TNRC6C: variants seen among roughly 807,000 people sequenced by gnomAD.
TNRC6C encodes trinucleotide repeat containing adaptor 6C, also known as trinucleotide repeat-containing gene 6C protein.
TNRC6C carries 20 observed loss-of-function variants against 153.7 expected under a neutral mutation model. That is an observed-to-expected ratio of 0.13 (90% confidence interval 0.09 to 0.19). The LOEUF (loss-of-function observed/expected upper bound fraction) is 0.19, where lower values mean the gene tolerates loss of function less well. TNRC6C is among the 10% of genes least tolerant of loss of function. The pLI is 1.00. For synonymous variants in TNRC6C, 811 were observed against 841.4 expected (o/e 0.96, Z 0.63); for missense variants, 1,987 against 2,172.0 (o/e 0.91, Z 1.69).
chr17:77,970,937 A>G (rs866328901), intron 1 of TNRC6C, among the ~76,000 whole-genome samples: 1 of 152,150 alleles, frequency 6.6e-6, no homozygotes, highest in Non-Finnish European at 1.5e-5. Flanking sequence ...TGAGCTGTGG[A>G]GTTCAAGGTT....
At position 78,104,364 on chromosome 17, in the gene TNRC6C, C is replaced by G. The variant is rs1459125083; in HGVS notation, c.4713-121C>G. On this transcript the variant is annotated intron_variant, in intron 19 of 19. Coordinates refer to ENST00000301624, the Ensembl canonical transcript of TNRC6C. This position sits in a 1 kb window ranked among gnomAD's most constrained non-coding sequence, Gnocchi z 6.2. The stretch of plus-strand genomic sequence containing the variant: ...AGTCTGGGTTTGGAAATAGCAGTGG[C>G]AAAACAGAAGCCACAGGATGGCTTC... The G allele has an allele frequency of 1.1e-5, 15 of 1,356,584 alleles. No individual in the cohort carries two copies. The highest frequency in any genetic ancestry group is 1.4e-5 in the Non-Finnish European group (15 of 1,042,568). The allele number at this position is 1,356,584 out of a possible 1,614,324, so 84.0% of individuals were successfully genotyped here. A position where few individuals can be genotyped will look rare whatever the true frequency, so the allele number is the denominator to read the frequency against.
At position 78,104,650 on chromosome 17, in the gene TNRC6C, A is replaced by G. The variant is rs2144682582; in HGVS notation, c.4878A>G (p.Val1626=). ...CAGCGGGCAGCTCCCATGGCCTGGT[A>G]CGCAGCGACGCTGGCCACTGGAACG... Residue 1626 remains valine (V), a synonymous_variant, in exon 20 of 20, where the codon GTA becomes GTG. Coordinates refer to ENST00000301624, the Ensembl canonical transcript of TNRC6C. The surrounding 1 kb of genome is among the most constrained non-coding windows in gnomAD (Gnocchi z 6.2). 6.5e-7 allele frequency: 1 copy of G among 1,545,306 alleles called. No individual in the cohort carries two copies. Among genetic ancestry groups the G allele is most frequent in the South Asian group, 1.2e-5 (1 of 84,000 alleles).
At chr17:78,065,990 G>A (rs904483206) in intron 4 of TNRC6C, among the ~76,000 whole-genome samples, 1 of 152,074 alleles carries the variant, frequency 6.6e-6, no homozygotes, top group Admixed American at 6.6e-5. Flanking sequence ...CAGCACTTTG[G>A]GAGGCCAAGG....
chr17:78,011,169 CTG>C (rs1041327063), intron 1 of TNRC6C, among the ~76,000 whole-genome samples: 10 of 152,280 alleles, frequency 6.6e-5, no homozygotes, highest in African/African-American at 1.9e-4. Context: ...AGTTTCTTTT[CTG>C]TGTTTTTTTA....
At chr17:78,043,188 G>A (rs904657408) in intron 2 of TNRC6C, among the ~76,000 whole-genome samples, 7 of 152,214 alleles carry the variant, frequency 4.6e-5, no homozygotes, top group African/African-American at 1.7e-4. Flanking sequence ...AAGGTGGAAT[G>A]TCAGCAGCTG....
chr17:78,015,022 T>C (rs2071702362), intron 1 of TNRC6C, among the ~76,000 whole-genome samples: 1 of 152,240 alleles, frequency 6.6e-6, no homozygotes, highest in Non-Finnish European at 1.5e-5. Flanking sequence ...TCACTGATTA[T>C]GTTGGCACAA....
At chr17:78,058,092 C>T (rs1369020703) in intron 3 of TNRC6C, among the ~76,000 whole-genome samples, 9 of 152,132 alleles carry the variant, frequency 5.9e-5, no homozygotes, top group Non-Finnish European at 7.3e-5. Context: ...CTCCAGAGGC[C>T]GCACTTGACA....
intron 2 of TNRC6C, among the ~76,000 whole-genome samples, chr17:78,044,449 G>C (rs77307352): frequency 0.06 from 9,080 of 152,140 alleles, 665 homozygotes; most frequent in African/African-American, 0.18. Context: ...GAATAGGTAC[G>C]CCTTGCCTTC....
chr17:77,979,590 G>A (rs888624476), intron 1 of TNRC6C, among the ~76,000 whole-genome samples: 3 of 151,998 alleles, frequency 2.0e-5, no homozygotes, highest in African/African-American at 7.3e-5. Context: ...AGAGACAAAT[G>A]GGACACTGTT....
chr17:78,079,864 C>T lies in TNRC6C; in HGVS notation c.3357+323C>T, dbSNP rs1171001061. 6.6e-6 allele frequency among the ~76,000 whole-genome samples: 1 copy of T among 152,032 alleles called. No individual in the cohort carries two copies. Among genetic ancestry groups the T allele is most frequent in the Non-Finnish European group, 1.5e-5 (1 of 68,010 alleles). On this transcript the variant is annotated intron_variant, in intron 10 of 19. Transcript: ENST00000301624. This position sits in a 1 kb window ranked among gnomAD's most constrained non-coding sequence, Gnocchi z 4.3. ...CACTCCCATTGATGTGCTTTTGTCCCAGTCTTTGTCGAGAAAATTATTCAG... is the reference window on the plus strand; with the variant it reads ...CACTCCCATTGATGTGCTTTTGTCCTAGTCTTTGTCGAGAAAATTATTCAG...
chr17:77,965,117 T>C (rs192253196), intron 1 of TNRC6C, among the ~76,000 whole-genome samples: 144 of 152,352 alleles, frequency 9.5e-4, no homozygotes, highest in South Asian at 1.9e-3. Context: ...AACACTCCTG[T>C]GAAGTGGTTG....
chr17:78,080,709 G>A (rs2144409248), intron 10 of TNRC6C, among the ~76,000 whole-genome samples: 1 of 152,180 alleles, frequency 6.6e-6, no homozygotes, highest in African/African-American at 2.4e-5. Context: ...ACGTAATTCT[G>A]GTGTGAAGGT....
At chr17:77,987,491 A>G (rs1294674697) in intron 1 of TNRC6C, among the ~76,000 whole-genome samples, 1 of 152,226 alleles carries the variant, frequency 6.6e-6, no homozygotes, top group Non-Finnish European at 1.5e-5. Context: ...TCCTAAGACA[A>G]TCACAAATAC....
At chr17:78,067,842 C>T (rs368796815) in exon 5 of TNRC6C, 81 of 1,613,834 alleles carry the variant, frequency 5.0e-5, no homozygotes, top group African/African-American at 3.2e-4. Context: ...AAGAAGGGGA[C>T]GTGTGGAATA....
chr17:78,012,219 G>C (rs908612902), intron 1 of TNRC6C, among the ~76,000 whole-genome samples: 7 of 152,154 alleles, frequency 4.6e-5, no homozygotes, highest in Non-Finnish European at 1.0e-4. Context: ...GTCACATTTT[G>C]CTACCTAGAG....
upstream of TNRC6C, among the ~76,000 whole-genome samples, chr17:78,002,318 A>T (rs2071425141): frequency 1.3e-5 from 2 of 152,150 alleles, no homozygotes. Context: ...GGCCGCAGAG[A>T]AAGAGTCCTC....
intron 3 of TNRC6C, among the ~76,000 whole-genome samples, chr17:78,060,415 C>T (rs932869452): frequency 6.6e-6 from 1 of 151,500 alleles, no homozygotes; most frequent in Non-Finnish European, 1.5e-5. Flanking sequence ...AAAAGCCAAG[C>T]ACATAGCAAG....
chr17:78,059,431 C>T (rs1157293160), intron 3 of TNRC6C, among the ~76,000 whole-genome samples: 3 of 152,162 alleles, frequency 2.0e-5, no homozygotes, highest in African/African-American at 7.2e-5. Flanking sequence ...GAGCCTGCTA[C>T]GGAAGTAGGA....
chr17:78,099,376 C>T (rs1223007741), intron 17 of TNRC6C, among the ~76,000 whole-genome samples: 1 of 152,192 alleles, frequency 6.6e-6, no homozygotes, highest in African/African-American at 2.4e-5. Context: ...ATACCCGAGA[C>T]TGGGCAATTT....
Sources: allele counts gnomAD v4.1 joint callset (sites outside exome capture counted in the v4.1 genomes callset), GRCh38; gene constraint gnomAD v4.1.1; non-coding constraint Gnocchi (gnomAD v3.1); transcripts MANE v1.5; gene names NCBI Gene and HGNC (gene_info 2026-07-23, HGNC 2026-07-21).